The following CDH13 variants were observed in gnomAD, a reference collection of about 807,000 sequenced individuals.
CDH13 encodes cadherin 13.
A neutral mutation model predicts 63.8 loss-of-function variants in CDH13; 24 were observed. The observed-to-expected ratio is 0.38, with a 90% confidence interval of 0.27 to 0.53. The LOEUF is 0.53. Among genes scored for constraint, CDH13 ranks in the 20% least tolerant of loss-of-function variants. CDH13 has a pLI of 0.85. For missense variants in CDH13, 1,049 were observed against 903.1 expected (o/e 1.16, Z -2.07); for synonymous variants, 503 against 355.3 (o/e 1.42, Z -4.67).
chr16:83,618,158 C>G lies in CDH13; in HGVS notation c.1101+15564C>G, dbSNP rs557095272. On this transcript the variant is annotated intron_variant, in intron 8 of 13. Coordinates refer to ENST00000567109, the MANE Select transcript of CDH13 (RefSeq NM_001257.5). Reference sequence around the variant, plus strand: ...AAGCACTTGCGGCCAGGCATGGTGGCTCATGCCTGTAATACCAGCATTTTG... The same window carrying G: ...AAGCACTTGCGGCCAGGCATGGTGGGTCATGCCTGTAATACCAGCATTTTG... Among the ~76,000 whole-genome samples, 37 of 150,126 alleles carry G rather than the reference C, an allele frequency of 2.5e-4. No individual in the cohort carries two copies. The South Asian group carries it at 6.9e-3, about 28-fold the overall frequency.
intron 1 of CDH13, among the ~76,000 whole-genome samples, chr16:82,768,104 A>G (rs2035129836): frequency 1.3e-5 from 2 of 152,204 alleles, no homozygotes; most frequent in African/African-American, 4.8e-5. Flanking sequence ...TGTCATGTGG[A>G]AGAAGCCTAA....
intron 5 of CDH13, among the ~76,000 whole-genome samples, chr16:83,313,921 CTG>C (rs2090052542): frequency 6.6e-6 from 1 of 152,160 alleles, no homozygotes; most frequent in African/African-American, 2.4e-5. Flanking sequence ...CTACTTAAAA[CTG>C]TGGTGCAATA....
At chr16:83,027,505 A>C (rs1003118780) in intron 2 of CDH13, among the ~76,000 whole-genome samples, 11 of 152,096 alleles carry the variant, frequency 7.2e-5, no homozygotes, top group African/African-American at 2.4e-5. Context: ...GAGATGCAAG[A>C]GTGGGTGAGG....
chr16:83,022,223 G>T (rs749519711), intron 2 of CDH13, among the ~76,000 whole-genome samples: 8 of 152,194 alleles, frequency 5.3e-5, no homozygotes, highest in African/African-American at 9.6e-5. Flanking sequence ...GAAAGACATT[G>T]TCATGCCCCA....
intron 4 of CDH13, among the ~76,000 whole-genome samples, chr16:83,169,322 G>A (rs558403572): frequency 6.6e-5 from 10 of 151,866 alleles, no homozygotes; most frequent in South Asian, 2.1e-4. Context: ...GACTACAGGC[G>A]CCTGCCACCA....
intron 8 of CDH13, among the ~76,000 whole-genome samples, chr16:83,649,623 A>C (rs765845472): frequency 1.3e-5 from 2 of 152,156 alleles, no homozygotes; most frequent in South Asian, 2.1e-4. Context: ...ACTGGAGTTC[A>C]CTTTGAGCAG....
intron 1 of CDH13, among the ~76,000 whole-genome samples, chr16:82,821,743 C>T (rs1212782716): frequency 6.6e-6 from 1 of 152,276 alleles, no homozygotes; most frequent in African/African-American, 2.4e-5. Context: ...TGGGGATGGT[C>T]ATTGAGGGCT....
At chr16:82,916,750 G>T (rs1024329331) in intron 2 of CDH13, among the ~76,000 whole-genome samples, 1 of 151,560 alleles carries the variant, frequency 6.6e-6, no homozygotes, top group Non-Finnish European at 1.5e-5. Flanking sequence ...AAAATATTTA[G>T]TTGTAGTTTA....
intron 2 of CDH13, among the ~76,000 whole-genome samples, chr16:83,016,423 A>G (rs961014478): frequency 3.9e-5 from 6 of 152,190 alleles, no homozygotes; most frequent in East Asian, 3.8e-4. Context: ...ACTCTCTTCT[A>G]GGGCTAGCAC....
intron 5 of CDH13, among the ~76,000 whole-genome samples, chr16:83,252,912 T>A (rs1905757306): frequency 6.6e-6 from 1 of 152,160 alleles, no homozygotes; most frequent in Non-Finnish European, 1.5e-5. Context: ...ATCCTACCTG[T>A]GTCCTTGGAT....
intron 10 of CDH13, among the ~76,000 whole-genome samples, chr16:83,707,543 C>G (rs932684041): frequency 6.6e-6 from 1 of 152,058 alleles, no homozygotes; most frequent in Non-Finnish European, 1.5e-5. Flanking sequence ...TATATTTTTA[C>G]CATTCACTTT....
intron 4 of CDH13, among the ~76,000 whole-genome samples, chr16:83,147,244 C>G (rs1447057153): frequency 2.0e-5 from 3 of 152,206 alleles, no homozygotes; most frequent in African/African-American, 7.2e-5. Flanking sequence ...TTGAATTGTT[C>G]CGTCTTCTGT....
intron 10 of CDH13, among the ~76,000 whole-genome samples, chr16:83,730,090 A>G (rs544426719): frequency 6.6e-6 from 1 of 152,208 alleles, no homozygotes; most frequent in Non-Finnish European, 1.5e-5. Flanking sequence ...TGTGTTCATC[A>G]TGGCTTTTAA....
chr16:82,939,623 A>C (rs1340019472), intron 2 of CDH13, among the ~76,000 whole-genome samples: 1 of 151,276 alleles, frequency 6.6e-6, no homozygotes, highest in Non-Finnish European at 1.5e-5. Context: ...GTAAAAATTG[A>C]ATGTTAACAG....
chr16:83,788,167 G>T (rs16961788), intron 13 of CDH13, among the ~76,000 whole-genome samples: 6,682 of 152,184 alleles, frequency 0.044, 286 homozygotes, highest in East Asian at 0.14. Flanking sequence ...TCCAATTTCT[G>T]AACATCAAAG....
intron 1 of CDH13, among the ~76,000 whole-genome samples, chr16:82,845,719 T>C (rs1567594502): frequency 1.3e-5 from 2 of 152,290 alleles, no homozygotes; most frequent in East Asian, 3.9e-4. Flanking sequence ...TTTGTTTGAC[T>C]TAAGGGAAAC....
chr16:82,637,428 C>CATTTTTTTTTT (rs1908791632), intron 1 of CDH13, among the ~76,000 whole-genome samples: 1 of 81,654 alleles, frequency 1.2e-5, no homozygotes, highest in African/African-American at 5.2e-5. Context: ...GTTACTGTGC[C>CATTTTTTTTTT]TTTTTTTTTT....
chr16:83,637,328 C>A (rs1470879202), intron 8 of CDH13, among the ~76,000 whole-genome samples: 2 of 73,248 alleles, frequency 2.7e-5, no homozygotes, highest in African/African-American at 6.1e-5. Context: ...GCGTGAGCTA[C>A]GCAGAAGACG....
At chr16:83,670,122 C>G (rs1002240162) in intron 8 of CDH13, among the ~76,000 whole-genome samples, 1 of 152,140 alleles carries the variant, frequency 6.6e-6, no homozygotes, top group African/African-American at 2.4e-5. Flanking sequence ...AAAATGGTTT[C>G]TAAGATCATA....
Sources: gnomAD v4.1 joint callset for allele counts (sites outside exome capture counted in the v4.1 genomes callset) on GRCh38, gnomAD v4.1.1 for gene constraint, MANE v1.5 for transcripts, NCBI Gene and HGNC (gene_info 2026-07-23, HGNC 2026-07-21) for gene names.